The following FGF12 variants were observed in gnomAD, a reference collection of about 807,000 sequenced individuals.
FGF12 encodes fibroblast growth factor 12.
In FGF12, 14 loss-of-function variants were observed where a neutral mutation model predicts 23.6. The observed-to-expected ratio is 0.59, with a 90% CI of 0.39 to 0.93. The LOEUF (loss-of-function observed/expected upper bound fraction) is 0.93. Ranked by LOEUF, FGF12 falls within the 40% of genes least tolerant of loss-of-function variation. The probability of loss-of-function intolerance (pLI) is 0.00; values close to 1 mark genes in which losing one functional copy is unlikely to be tolerated. For synonymous variants in FGF12, 62 were observed against 77.3 expected, an observed-to-expected ratio of 0.80 and a Z score of 1.04; for missense variants, 175 against 217.8, an observed-to-expected ratio of 0.80 and a Z score of 1.24.
rs114484806 is a variant in FGF12, at chr3:192,693,977, T to C, written c.13+33204A>G. Among the ~76,000 whole-genome samples, 348 of 152,212 alleles carry C rather than the reference T, an allele frequency of 2.3e-3. 1 individual carries two copies. The highest frequency in any genetic ancestry group is 8.2e-3 in the African/African-American group (340 of 41,544). On this transcript the variant is annotated intron_variant, in intron 2 of 5. Transcript: ENST00000445105. The stretch of plus-strand genomic sequence containing the variant: ...ACAGAATGGAAAAGCAGACTAAAGA[T>C]TGGGAGAAAATATTTGTGAACCATG...
intron 2 of FGF12, among the ~76,000 whole-genome samples, chr3:192,711,153 A>G (rs1718653466): frequency 6.6e-6 from 1 of 152,266 alleles, no homozygotes; most frequent in East Asian, 1.9e-4. Flanking sequence ...GATAGAAATG[A>G]AAACAAACAA....
At chr3:192,589,206 G>A (rs748041835) in intron 2 of FGF12, among the ~76,000 whole-genome samples, 30 of 151,310 alleles carry the variant, frequency 2.0e-4, no homozygotes, top group Admixed American at 3.3e-4. Flanking sequence ...GTGGTGGTGC[G>A]CACCTGCAGT....
intron 2 of FGF12, among the ~76,000 whole-genome samples, chr3:192,722,279 A>C (rs1417729352): frequency 1.3e-5 from 2 of 152,188 alleles, no homozygotes; most frequent in Admixed American, 6.5e-5. Flanking sequence ...TTATCTCACT[A>C]TACTGGCTCA....
chr3:192,364,596 G>T (rs569883662), intron 2 of FGF12, among the ~76,000 whole-genome samples: 78 of 151,322 alleles, frequency 5.2e-4, no homozygotes, highest in Non-Finnish European at 9.9e-4. Flanking sequence ...TCAGGCCAAG[G>T]TTTTTAAAAG....
chr3:192,695,400 T>C (rs1718084329), intron 2 of FGF12, among the ~76,000 whole-genome samples: 1 of 152,148 alleles, frequency 6.6e-6, no homozygotes, highest in African/African-American at 2.4e-5. Context: ...AAGGGAGAAA[T>C]GTCCCTTTGT....
At chr3:192,276,496 G>A (rs551868156) in intron 4 of FGF12, among the ~76,000 whole-genome samples, 1 of 152,230 alleles carries the variant, frequency 6.6e-6, no homozygotes, top group South Asian at 2.1e-4. Context: ...TAACCAAGGT[G>A]CCTTATGAGA....
At chr3:192,436,210 A>T (rs973137564) in intron 2 of FGF12, among the ~76,000 whole-genome samples, 1 of 152,040 alleles carries the variant, frequency 6.6e-6, no homozygotes, top group Non-Finnish European at 1.5e-5. Flanking sequence ...TAAAGATGAG[A>T]AGCCTCCTGG....
chr3:192,496,171 A>G (rs1380081563), intron 2 of FGF12, among the ~76,000 whole-genome samples: 3 of 152,224 alleles, frequency 2.0e-5, no homozygotes, highest in Non-Finnish European at 2.9e-5. Context: ...AAGATGAAAC[A>G]TTTATAAAAC....
intron 2 of FGF12, among the ~76,000 whole-genome samples, chr3:192,683,306 A>G (rs1459020136): frequency 6.6e-6 from 1 of 152,196 alleles, no homozygotes; most frequent in Non-Finnish European, 1.5e-5. Flanking sequence ...TTTGACTTGC[A>G]GCATTACGTA....
intron 2 of FGF12, among the ~76,000 whole-genome samples, chr3:192,517,269 G>T (rs1188195204): frequency 1.3e-5 from 2 of 152,202 alleles, no homozygotes; most frequent in African/African-American, 4.8e-5. Context: ...ATGTGAAAGT[G>T]CTTTGAAGAT....
chr3:192,410,747 T>C (rs1179291564), intron 2 of FGF12, among the ~76,000 whole-genome samples: 1 of 152,148 alleles, frequency 6.6e-6, no homozygotes, highest in Non-Finnish European at 1.5e-5. Flanking sequence ...GCACAGAGGA[T>C]GACTCCAGGT....
intron 2 of FGF12, among the ~76,000 whole-genome samples, chr3:192,366,084 T>C (rs1481206361): frequency 6.6e-6 from 1 of 151,526 alleles, no homozygotes; most frequent in African/African-American, 2.4e-5. Context: ...AGACAAGAAC[T>C]CAGCTCCTAT....
chr3:192,546,279 C>T (rs956021294), intron 2 of FGF12, among the ~76,000 whole-genome samples: 3 of 151,974 alleles, frequency 2.0e-5, no homozygotes, highest in Admixed American at 2.0e-4. Flanking sequence ...TAGTGACTAC[C>T]GCACTACAGG....
intron 2 of FGF12, among the ~76,000 whole-genome samples, chr3:192,461,542 A>C (rs868022483): frequency 5.9e-5 from 9 of 152,014 alleles, no homozygotes; most frequent in African/African-American, 2.2e-4. Flanking sequence ...TTTTTATCTG[A>C]TGTGGTTTTT....
At chr3:192,509,186 G>A (rs1724399720) in intron 2 of FGF12, among the ~76,000 whole-genome samples, 1 of 152,160 alleles carries the variant, frequency 6.6e-6, no homozygotes, top group Non-Finnish European at 1.5e-5. Context: ...AAGGTTAATT[G>A]GCATGGTGCA....
At chr3:192,233,783 C>T (rs763916899) in intron 4 of FGF12, among the ~76,000 whole-genome samples, 5 of 152,082 alleles carry the variant, frequency 3.3e-5, no homozygotes, top group Admixed American at 6.6e-5. Context: ...GATCCCAGCA[C>T]CATTTACTGA....
chr3:192,308,199 AG>A (rs1715751117), intron 4 of FGF12, among the ~76,000 whole-genome samples: 1 of 152,182 alleles, frequency 6.6e-6, no homozygotes, highest in South Asian at 2.1e-4. Context: ...AAAACCAGAC[AG>A]TAAAAGAACA....
intron 4 of FGF12, among the ~76,000 whole-genome samples, chr3:192,242,142 A>G (rs1390401850): frequency 6.6e-6 from 1 of 152,196 alleles, no homozygotes; most frequent in Non-Finnish European, 1.5e-5. Flanking sequence ...TAGAAGGAAG[A>G]ATATTGCAAT....
chr3:192,663,812 G>C (rs1258967233), intron 2 of FGF12, among the ~76,000 whole-genome samples: 2 of 151,908 alleles, frequency 1.3e-5, no homozygotes, highest in African/African-American at 4.8e-5. Context: ...CTCCCAGCTT[G>C]TCTCCAAGGA....
Sources: gnomAD v4.1 joint callset for allele counts (sites outside exome capture counted in the v4.1 genomes callset) on GRCh38, gnomAD v4.1.1 for gene constraint, MANE v1.5 for transcripts, NCBI Gene and HGNC (gene_info 2026-07-23, HGNC 2026-07-21) for gene names.